The following MCF2L variants were observed in gnomAD, a reference collection of about 807,000 sequenced individuals.
The protein encoded by MCF2L is guanine nucleotide exchange factor DBS.
MCF2L carries 97 observed loss-of-function variants against 153.4 expected under a neutral mutation model. That is an observed-to-expected ratio of 0.63 (90% CI 0.54 to 0.75). MCF2L has a LOEUF of 0.75. Among genes scored for constraint, MCF2L ranks in the 30% least tolerant of loss-of-function variants. MCF2L has a pLI of 0.00. For missense variants in MCF2L, 1,347 were observed against 1,495.2 expected, an observed-to-expected ratio of 0.90 and a Z score of 1.64; for synonymous variants, 659 against 632.2, an observed-to-expected ratio of 1.04 and a Z score of -0.64.
chr13:112,921,706 C>G (rs74827753), intron 2 of MCF2L, among the ~76,000 whole-genome samples: 3,565 of 152,324 alleles, frequency 0.023, 137 homozygotes, highest in African/African-American at 0.081. Context: ...TACAGGAACA[C>G]TGTCCTAGAC....
At chr13:112,964,449 G>A (rs1477936374), upstream of MCF2L, among the ~76,000 whole-genome samples, 2 of 152,226 alleles carry the variant, frequency 1.3e-5, no homozygotes, top group African/African-American at 2.4e-5. Flanking sequence ...ATCCCACAGC[G>A]CCCTGTGTCT....
intron 2 of MCF2L, among the ~76,000 whole-genome samples, chr13:112,931,630 C>T (rs945021364): frequency 2.0e-5 from 3 of 152,200 alleles, no homozygotes; most frequent in Admixed American, 6.5e-5. Context: ...CCAGTGTCCA[C>T]GAGCGTCCCC....
intron 1 of MCF2L, among the ~76,000 whole-genome samples, chr13:112,997,235 C>T (rs1446761005): frequency 6.6e-6 from 1 of 152,336 alleles, no homozygotes; most frequent in South Asian, 2.1e-4. Flanking sequence ...CAGGAAAACA[C>T]ACTGCCCTCT....
chr13:113,005,435 T>C (rs559252859), intron 1 of MCF2L, among the ~76,000 whole-genome samples: 19 of 152,246 alleles, frequency 1.2e-4, no homozygotes, highest in Admixed American at 3.9e-4. Context: ...TGGTGGGCCA[T>C]GGACTATTCG....
Position 112,978,809 on chromosome 13 carries a change from C to T in MCF2L, c.79+9351C>T, listed in dbSNP as rs187485064. 3.0e-3 allele frequency among the ~76,000 whole-genome samples: 451 copies of T among 152,370 alleles called. 1 individual carries two copies. Among genetic ancestry groups the T allele is most frequent in the Non-Finnish European group, 4.2e-3 (285 of 68,034 alleles). On this transcript the variant is annotated intron_variant, in intron 1 of 29. Transcript: ENST00000535094. ...CCCTGCCACCTTCTCTTCCTGTGGC[C>T]TGGAGCACATAACAATGAGTTAAAA...
At position 113,074,987 on chromosome 13, in the gene MCF2L, G is replaced by A; in HGVS notation, c.1117-11G>A. On this transcript the variant is annotated splice_polypyrimidine_tract_variant and intron_variant, in intron 10 of 29. Coordinates refer to ENST00000535094, the MANE Select transcript of MCF2L (RefSeq NM_001112732.3). This position sits in a 1 kb window ranked among gnomAD's most constrained non-coding sequence, Gnocchi z 4.2. ...GAGGCCTGAGCTGGTCCTCTGGGTG[G>A]CCGTCCACAGGTGGCCGTGGAGAGG... The A allele has an allele frequency of 6.3e-7, 1 of 1,589,478 alleles. No individual in the cohort carries two copies. The highest frequency in any genetic ancestry group is 8.6e-7 in the Non-Finnish European group (1 of 1,163,000).
rs2085363515 is a variant in MCF2L at position 113,027,154 on chromosome 13, C to T, written c.278+2396C>T. 1.5e-6 allele frequency: 1 copy of T among 681,564 alleles called. No individual in the cohort carries two copies. The highest frequency in any genetic ancestry group is 1.8e-5 in the African/African-American group (1 of 57,046). 42.2% of individuals were successfully genotyped at this position (681,564 alleles called of 1,614,324 possible). ...ATCAGCGTGAAAGTGCAGCCGTGGC[C>T]ATTACCGTGAAGGTTCTTCATTCTT... On this transcript the variant is annotated intron_variant, in intron 3 of 29. Transcript: ENST00000535094. This position sits in a 1 kb window ranked among gnomAD's most constrained non-coding sequence, Gnocchi z 4.8.
chr13:113,011,445 G>A (rs1351359532), intron 1 of MCF2L, among the ~76,000 whole-genome samples: 3 of 151,212 alleles, frequency 2.0e-5, no homozygotes, highest in Non-Finnish European at 4.4e-5. Flanking sequence ...GACAGGTGGT[G>A]TGGATGGTGG....
At chr13:113,009,704 C>G (rs1197493556) in intron 1 of MCF2L, 1 of 152,314 alleles carries the variant, frequency 6.6e-6, no homozygotes, top group African/African-American at 2.4e-5. Context: ...AGATTTTGTT[C>G]CGATTTTGTG....
rs2085716530 is a variant in MCF2L at position 113,031,451 on chromosome 13, G to A, written c.278+6693G>A. 6.6e-6 allele frequency among the ~76,000 whole-genome samples: 1 copy of A among 152,222 alleles called. No individual in the cohort carries two copies. The highest frequency in any genetic ancestry group is 1.5e-5 in the Non-Finnish European group (1 of 68,046). On this transcript the variant is annotated intron_variant, in intron 3 of 29. Transcript: ENST00000535094. This position sits in a 1 kb window ranked among gnomAD's most constrained non-coding sequence, Gnocchi z 5.5. Reference sequence around the variant, plus strand: ...ACCAGGGGGCAGGACAGAGTGCCGGGGAGTCGGGGGCTGTAGGGACAGAGT... The same window carrying A: ...ACCAGGGGGCAGGACAGAGTGCCGGAGAGTCGGGGGCTGTAGGGACAGAGT...
intron 1 of MCF2L, among the ~76,000 whole-genome samples, chr13:112,976,466 A>G (rs2082217294): frequency 6.6e-6 from 1 of 152,226 alleles, no homozygotes; most frequent in African/African-American, 2.4e-5. Flanking sequence ...GAAGAGAAGC[A>G]TTCCAGCTGG....
Position 113,089,809 on chromosome 13 carries a change from C to T in MCF2L, c.2953+81C>T, listed in dbSNP as rs570911036. The T allele has an allele frequency of 9.4e-6, 15 of 1,602,842 alleles. No individual in the cohort carries two copies. The South Asian group carries it at 1.7e-4, about 18-fold the overall frequency. ...GGAGTGCTCACTGCATCCGAGAAAC[C>T]TGCGCTTCCTGCAGTGTGAAGAAGC... On this transcript the variant is annotated intron_variant, in intron 26 of 29. Transcript: ENST00000535094.
chr13:113,028,608 A>G lies in MCF2L; in HGVS notation c.278+3850A>G, dbSNP rs2085452912. Among the ~76,000 whole-genome samples, 1 of 152,208 alleles carries G rather than the reference A, an allele frequency of 6.6e-6. No individual in the cohort carries two copies. The highest frequency in any genetic ancestry group is 1.5e-5 in the Non-Finnish European group (1 of 68,042). ...CTCAGAGGCAGCTCCATGGATCCCCACTGTTCACCTGTGTATGGAAACTCA... is the reference window on the plus strand; with the variant it reads ...CTCAGAGGCAGCTCCATGGATCCCCGCTGTTCACCTGTGTATGGAAACTCA... On this transcript the variant is annotated intron_variant, in intron 3 of 29. Transcript: ENST00000535094. This position sits in a 1 kb window ranked among gnomAD's most constrained non-coding sequence, Gnocchi z 5.4.
At chr13:112,957,161 T>C (rs2140736245) in intron 2 of MCF2L, 1 of 151,872 alleles carries the variant, frequency 6.6e-6, no homozygotes, top group African/African-American at 2.4e-5. Flanking sequence ...ACTGCACAAA[T>C]GGGAGAATCC....
chr13:112,942,298 T>C (rs1029967931), intron 2 of MCF2L, among the ~76,000 whole-genome samples: 2 of 152,120 alleles, frequency 1.3e-5, no homozygotes, highest in African/African-American at 4.8e-5. Flanking sequence ...GTAAGCTGTC[T>C]CTCTCTCTCC....
Position 113,079,561 on chromosome 13 carries a change from C to G in MCF2L, c.1808+822C>G, listed in dbSNP as rs139497396. Reference sequence around the variant, plus strand: ...GAAAAGGCTCTTCCTGATGTGTTGACAAGCAGGTGTCCGCAGGCAGCGCCA... The same window carrying G: ...GAAAAGGCTCTTCCTGATGTGTTGAGAAGCAGGTGTCCGCAGGCAGCGCCA... On this transcript the variant is annotated intron_variant, in intron 15 of 29. Coordinates refer to ENST00000535094, the MANE Select transcript of MCF2L (RefSeq NM_001112732.3). Among the ~76,000 whole-genome samples the G allele has an allele frequency of 5.8e-3, 885 of 152,350 alleles. 3 individuals carry two copies. The highest frequency in any genetic ancestry group is 9.7e-3 in the Non-Finnish European group (657 of 68,030).
intron 27 of MCF2L, chr13:113,096,094 A>G (rs9577462): frequency 1 from 541,392 of 542,864 alleles, 269,980 homozygotes; most frequent in South Asian, 1. Flanking sequence ...TGCAGGCGCA[A>G]AGGCCCTGGG....
upstream of MCF2L, chr13:112,968,363 CT>C: frequency 6.9e-7 from 1 of 1,447,584 alleles, no homozygotes; most frequent in Non-Finnish European, 9.2e-7. Context: ...GCATATGGCC[CT>C]GTGATGGCGG....
In MCF2L at chr13:113,064,638, CAA is replaced by C. The variant is rs76349176; in HGVS notation, c.606+233_606+234del. The C allele has an allele frequency of 0.038, 16,748 of 441,318 alleles. No individual in the cohort carries two copies. The highest frequency in any genetic ancestry group is 0.048 in the South Asian group (1,665 of 34,616). 27.3% of individuals were successfully genotyped at this position (441,318 alleles called of 1,614,324 possible). A position where few individuals can be genotyped will look rare whatever the true frequency, so the allele number is the denominator to read the frequency against. ...AGTGGCTTTCTCTGGGCTTGGAGAC[CAA>C]AAAAAAAAAAAAAACCCTTGCGTTG... is the stretch of plus-strand genomic sequence containing the variant. On this transcript the variant is annotated intron_variant, in intron 6 of 29. Transcript: ENST00000535094. The surrounding 1 kb of genome is among the most constrained non-coding windows in gnomAD (Gnocchi z 6.0).
Sources: allele counts gnomAD v4.1 joint callset (sites outside exome capture counted in the v4.1 genomes callset), GRCh38; gene constraint gnomAD v4.1.1; non-coding constraint Gnocchi (gnomAD v3.1); transcripts MANE v1.5; gene names NCBI Gene and HGNC (gene_info 2026-07-23, HGNC 2026-07-21).